Variants in SBF2 observed in about 807,000 individuals in gnomAD.
The protein encoded by SBF2 is myotubularin-related protein 13.
SBF2 carries 112 observed loss-of-function variants against 225.2 expected under a neutral mutation model. The observed-to-expected ratio is 0.50, with a 90% CI of 0.43 to 0.58. The LOEUF (loss-of-function observed/expected upper bound fraction) is 0.58, where lower values mean the gene tolerates loss of function less well. SBF2 is among the 20% of genes least tolerant of loss of function. The pLI is 0.00. For synonymous variants in SBF2, 763 were observed against 773.3 expected, an observed-to-expected ratio of 0.99 and a Z score of 0.22; for missense variants, 1,996 against 2,206.2, an observed-to-expected ratio of 0.90 and a Z score of 1.91.
intron 32 of SBF2, among the ~76,000 whole-genome samples, chr11:9,802,726 C>T (rs1257342100): frequency 6.6e-6 from 1 of 152,134 alleles, no homozygotes; most frequent in Non-Finnish European, 1.5e-5. Flanking sequence ...TGCCTAAAAC[C>T]AGTATGTCGA....
chr11:10,075,457 A>T lies in SBF2; in HGVS notation c.142-32476T>A, dbSNP rs781488225. ...TGGTTTGGTTCTGTGTCCCCACCCAAATCTTATGTTGAATCGTGATCCCAA... is the reference window on the plus strand; with the variant it reads ...TGGTTTGGTTCTGTGTCCCCACCCATATCTTATGTTGAATCGTGATCCCAA... On this transcript the variant is annotated intron_variant, in intron 2 of 39. Transcript: ENST00000256190. Among the ~76,000 whole-genome samples the T allele has an allele frequency of 8.0e-4, 122 of 152,176 alleles. 2 individuals carry two copies. Among genetic ancestry groups the T allele is most frequent in the Non-Finnish European group, 2.1e-4 (14 of 68,028 alleles).
chr11:10,138,979 C>A (rs976155106), intron 2 of SBF2, among the ~76,000 whole-genome samples: 1 of 152,022 alleles, frequency 6.6e-6, no homozygotes, highest in African/African-American at 2.4e-5. Context: ...TGCTAATTTG[C>A]CCATCAACTG....
At chr11:10,085,326 T>G (rs1397041925) in intron 2 of SBF2, among the ~76,000 whole-genome samples, 3 of 152,342 alleles carry the variant, frequency 2.0e-5, no homozygotes, top group East Asian at 3.9e-4. Context: ...TTATATGTCT[T>G]TTAGCTGTGG....
chr11:10,162,320 C>A (rs779073932), intron 2 of SBF2, among the ~76,000 whole-genome samples: 3 of 151,938 alleles, frequency 2.0e-5, no homozygotes, highest in Non-Finnish European at 2.9e-5. Flanking sequence ...GTGGAACTAA[C>A]CGAAATCTCT....
At chr11:9,889,909 A>G (rs1164449093) in intron 17 of SBF2, among the ~76,000 whole-genome samples, 1 of 151,872 alleles carries the variant, frequency 6.6e-6, no homozygotes, top group Non-Finnish European at 1.5e-5. Flanking sequence ...ATTTATTTCT[A>G]TTTTTTATTT....
chr11:9,867,239 C>A (rs1453409342), intron 17 of SBF2, among the ~76,000 whole-genome samples: 4 of 151,760 alleles, frequency 2.6e-5, no homozygotes, highest in Non-Finnish European at 5.9e-5. Flanking sequence ...TTTCATGTAC[C>A]CCATAAATAT....
rs190286998 is a variant in SBF2, at chr11:10,170,591, A to C, written c.141+23311T>G. Among the ~76,000 whole-genome samples the C allele has an allele frequency of 3.8e-3, 578 of 151,346 alleles. 5 individuals are homozygous for C. Among genetic ancestry groups the C allele is most frequent in the African/African-American group, 0.013 (557 of 41,322 alleles). ...TTCCAGTTTTTTTAATTTTATTTTT[A>C]TTTTTATTTTTTTGCTCAGGATAGC... On this transcript the variant is annotated intron_variant, in intron 2 of 39. Coordinates refer to ENST00000256190, the MANE Select transcript of SBF2 (RefSeq NM_030962.4).
intron 13 of SBF2, among the ~76,000 whole-genome samples, chr11:9,980,072 C>T (rs549724378): frequency 6.7e-6 from 1 of 149,184 alleles, no homozygotes; most frequent in South Asian, 2.1e-4. Flanking sequence ...CCTCTGCCTC[C>T]CGGGTTCAAG....
At chr11:10,052,480 C>G (rs954109837) in intron 2 of SBF2, among the ~76,000 whole-genome samples, 7 of 152,138 alleles carry the variant, frequency 4.6e-5, no homozygotes, top group African/African-American at 1.7e-4. Flanking sequence ...TTGTTTATCT[C>G]TAGTTTTCTT....
intron 1 of SBF2, among the ~76,000 whole-genome samples, chr11:10,233,403 C>G (rs1958934786): frequency 6.6e-6 from 1 of 151,934 alleles, no homozygotes; most frequent in Admixed American, 6.6e-5. Context: ...CTACCCTCCC[C>G]ACCAAAATCT....
intron 6 of SBF2, among the ~76,000 whole-genome samples, chr11:10,004,737 T>C (rs182827024): frequency 1.4e-4 from 21 of 152,326 alleles, no homozygotes; most frequent in Admixed American, 1.0e-3. Flanking sequence ...CCCTATTGTT[T>C]CACTAAGCCA....
At chr11:9,997,947 T>C (rs1300499980) in intron 9 of SBF2, among the ~76,000 whole-genome samples, 1 of 152,134 alleles carries the variant, frequency 6.6e-6, no homozygotes, top group African/African-American at 2.4e-5. Context: ...TGGGGGATCT[T>C]AGGGGAATCA....
chr11:10,076,722 G>A (rs1951129719), intron 2 of SBF2, among the ~76,000 whole-genome samples: 1 of 152,210 alleles, frequency 6.6e-6, no homozygotes, highest in Non-Finnish European at 1.5e-5. Context: ...GCTAGGCTGT[G>A]GAACCAAAAC....
intron 2 of SBF2, among the ~76,000 whole-genome samples, chr11:10,103,199 T>G (rs1952386761): frequency 6.6e-6 from 1 of 152,192 alleles, no homozygotes; most frequent in Admixed American, 6.5e-5. Context: ...AAATTCTATT[T>G]TGTGATATCC....
chr11:10,244,871 C>T (rs1959614659), intron 1 of SBF2, among the ~76,000 whole-genome samples: 1 of 152,052 alleles, frequency 6.6e-6, no homozygotes, highest in Non-Finnish European at 1.5e-5. Context: ...GGCGGTGGTG[C>T]ATGCCTGTAA....
At chr11:10,003,431 G>A (rs56173862) in intron 6 of SBF2, among the ~76,000 whole-genome samples, 7,668 of 150,458 alleles carry the variant, frequency 0.051, 283 homozygotes, top group Middle Eastern at 0.15. Flanking sequence ...GCAGTGGCAC[G>A]ATCTCAGCTC....
intron 2 of SBF2, among the ~76,000 whole-genome samples, chr11:10,179,296 T>C (rs1956619728): frequency 6.6e-6 from 1 of 151,686 alleles, no homozygotes; most frequent in East Asian, 1.9e-4. Context: ...TATACATATG[T>C]AACTAACCTG....
chr11:10,049,018 G>T lies in SBF2; in HGVS notation c.142-6037C>A, dbSNP rs140141030. Reference sequence around the variant, plus strand: ...AAAGTATCCGTAATTATCTGAAAAAGCTACTAAATACTCCTTCCTCTTCCA... The same window carrying T: ...AAAGTATCCGTAATTATCTGAAAAATCTACTAAATACTCCTTCCTCTTCCA... On this transcript the variant is annotated intron_variant, in intron 2 of 39. Transcript: ENST00000256190. Among the ~76,000 whole-genome samples, 509 of 152,270 alleles carry T rather than the reference G, an allele frequency of 3.3e-3. 2 individuals are homozygous for T. The highest frequency in any genetic ancestry group is 0.012 in the African/African-American group (482 of 41,546).
chr11:10,134,823 G>A lies in SBF2; in HGVS notation c.141+59079C>T, dbSNP rs145734298. On this transcript the variant is annotated intron_variant, in intron 2 of 39. Transcript: ENST00000256190. ...TTTCACGGGCTGCTGTTGAGTGTCTGTGGCTTTTCCAGGCACACAGTGCAA... is the reference window on the plus strand; with the variant it reads ...TTTCACGGGCTGCTGTTGAGTGTCTATGGCTTTTCCAGGCACACAGTGCAA... 6.9e-3 allele frequency among the ~76,000 whole-genome samples: 1,053 copies of A among 152,292 alleles called. 10 individuals are homozygous for A. Among genetic ancestry groups the A allele is most frequent in the African/African-American group, 0.024 (997 of 41,538 alleles).
Sources: allele counts gnomAD v4.1 joint callset (sites outside exome capture counted in the v4.1 genomes callset), GRCh38; gene constraint gnomAD v4.1.1; transcripts MANE v1.5; gene names NCBI Gene and HGNC (gene_info 2026-07-23, HGNC 2026-07-21).